The following CACNA1E variants were observed in gnomAD, a reference collection of about 807,000 sequenced individuals.
CACNA1E encodes voltage-dependent R-type calcium channel subunit alpha-1E.
A neutral mutation model predicts 259.2 loss-of-function variants in CACNA1E; 40 were observed. That is an observed-to-expected ratio of 0.15 (90% CI 0.12 to 0.20). CACNA1E has a LOEUF of 0.20. CACNA1E is among the 10% of genes least tolerant of loss of function. The pLI is 1.00. For synonymous variants in CACNA1E, 1,104 were observed against 1,138.5 expected, an observed-to-expected ratio of 0.97 and a Z score of 0.61; for missense variants, 1,874 against 3,040.1, an observed-to-expected ratio of 0.62 and a Z score of 9.02.
chr1:181,501,349 G>C (rs1167278545), intron 1 of CACNA1E, among the ~76,000 whole-genome samples: 1 of 152,224 alleles, frequency 6.6e-6, no homozygotes, highest in Admixed American at 6.5e-5. Flanking sequence ...TCAGGGCCCA[G>C]ATGAGTCTGG....
intron 27 of CACNA1E, among the ~76,000 whole-genome samples, chr1:181,753,364 T>A (rs1294450218): frequency 6.6e-6 from 1 of 152,196 alleles, no homozygotes; most frequent in Non-Finnish European, 1.5e-5. Context: ...GCTTCCCAGG[T>A]GACTCTTAGA....
In CACNA1E at chr1:181,542,870, T is replaced by C. The variant is rs185632826; in HGVS notation, c.512+31360T>C. Among the ~76,000 whole-genome samples the C allele has an allele frequency of 2.3e-4, 34 of 149,874 alleles. No individual in the cohort carries two copies. In the Middle Eastern group the frequency reaches 0.014, roughly 60 times the overall value. Reference sequence around the variant, plus strand: ...CAGTAGTCCTGCAAGATGCTCCATATATAAGGGGTTTGATGTGTTTATTAG... The same window carrying C: ...CAGTAGTCCTGCAAGATGCTCCATACATAAGGGGTTTGATGTGTTTATTAG... On this transcript the variant is annotated intron_variant, in intron 3 of 47. Coordinates refer to ENST00000367573, the MANE Select transcript of CACNA1E (RefSeq NM_001205293.3).
chr1:181,526,669 G>A (rs573255792), intron 3 of CACNA1E, among the ~76,000 whole-genome samples: 1 of 152,124 alleles, frequency 6.6e-6, no homozygotes, highest in East Asian at 1.9e-4. Flanking sequence ...TTATAACACA[G>A]GACAGCCTGG....
chr1:181,657,005 T>G (rs912689593), intron 7 of CACNA1E, among the ~76,000 whole-genome samples: 7 of 152,232 alleles, frequency 4.6e-5, no homozygotes, highest in African/African-American at 1.7e-4. Flanking sequence ...TGCCTAGCAA[T>G]GCATTTCTCA....
At chr1:181,784,341 G>A (rs188888929) in intron 40 of CACNA1E, among the ~76,000 whole-genome samples, 2 of 152,310 alleles carry the variant, frequency 1.3e-5, no homozygotes, top group Admixed American at 6.5e-5. Flanking sequence ...GCAGAGGAAC[G>A]TACTTGCGGC....
At chr1:181,619,515 A>G (rs995942393) in intron 6 of CACNA1E, among the ~76,000 whole-genome samples, 5 of 152,188 alleles carry the variant, frequency 3.3e-5, no homozygotes, top group Non-Finnish European at 5.9e-5. Flanking sequence ...GAGAGCTTCA[A>G]AGAGGTCAGT....
chr1:181,730,943 T>C (rs193028465), intron 18 of CACNA1E, among the ~76,000 whole-genome samples: 1 of 152,360 alleles, frequency 6.6e-6, no homozygotes, highest in Non-Finnish European at 1.5e-5. Context: ...CCTGTGTGCC[T>C]CTGCATGTGT....
At chr1:181,442,010 T>G (rs755500508) in intron 2 of CACNA1E, among the ~76,000 whole-genome samples, 7 of 152,162 alleles carry the variant, frequency 4.6e-5, no homozygotes, top group Non-Finnish European at 8.8e-5. Flanking sequence ...CAGGTTGTGT[T>G]GTCAACACAA....
At chr1:181,785,235 A>T (rs1174505788) in intron 41 of CACNA1E, 83 bp from the exon 42 acceptor site, 3 of 795,758 alleles carry the variant, frequency 3.8e-6, no homozygotes, top group Non-Finnish European at 6.6e-6. Context: ...TGTTCCAGAG[A>T]GTGGGTAACA....
chr1:181,404,282 T>A (rs1487256672), intron 1 of CACNA1E, among the ~76,000 whole-genome samples: 2 of 152,198 alleles, frequency 1.3e-5, no homozygotes, highest in Non-Finnish European at 2.9e-5. Flanking sequence ...GCACTTTCAA[T>A]TGGATTGTAA....
chr1:181,574,301 A>C (rs1366873720), intron 3 of CACNA1E, among the ~76,000 whole-genome samples: 1 of 152,230 alleles, frequency 6.6e-6, no homozygotes, highest in Non-Finnish European at 1.5e-5. Context: ...ATTTTTAAAA[A>C]AGAATATTAG....
At chr1:181,461,337 C>CACCACTGCACTCCAGCCTGGGCGACA (rs1661793014) in intron 2 of CACNA1E, among the ~76,000 whole-genome samples, 2 of 151,206 alleles carry the variant, frequency 1.3e-5, no homozygotes, top group African/African-American at 4.9e-5. Context: ...GTCAGGAGAT[C>CACCACTGCACTCCAGCCTGGGCGACA]GAGACCATCC....
At chr1:181,330,022 G>A (rs1651125979) in intron 1 of CACNA1E, among the ~76,000 whole-genome samples, 1 of 152,192 alleles carries the variant, frequency 6.6e-6, no homozygotes, top group Non-Finnish European at 1.5e-5. Context: ...AGGAGGAACT[G>A]AAGCTGCTCT....
Position 181,396,213 on chromosome 1 carries a change from C to T in CACNA1E, c.-14-16920C>T, listed in dbSNP as rs583622. On this transcript the variant is annotated intron_variant, in intron 1 of 11. Coordinates refer to the CACNA1E transcript ENST00000524607. ...GAGGGAGACAGACTGCAGGAGAGCA[C>T]CCCAGACGGAAGCCACAGTCTTTTG... 5.3e-3 allele frequency among the ~76,000 whole-genome samples: 812 copies of T among 152,316 alleles called. 5 individuals are homozygous for T. The highest frequency in any genetic ancestry group is 0.019 in the African/African-American group (770 of 41,556).
Position 181,393,865 on chromosome 1 carries a change from C to T in CACNA1E, c.-14-19268C>T, listed in dbSNP as rs368265740. ...ACTTGGAAAAAATGTTTGTAACTTT[C>T]AACAAGCAGGTACCAAGAACCTTTT... On this transcript the variant is annotated intron_variant, in intron 1 of 11. Coordinates refer to the CACNA1E transcript ENST00000524607. Among the ~76,000 whole-genome samples, 35 of 152,338 alleles carry T rather than the reference C, an allele frequency of 2.3e-4. No homozygotes were observed. In the South Asian group the frequency reaches 6.8e-3, roughly 30 times the overall value.
chr1:181,510,990 C>T (rs1666118944), intron 2 of CACNA1E, among the ~76,000 whole-genome samples: 1 of 152,198 alleles, frequency 6.6e-6, no homozygotes, highest in Non-Finnish European at 1.5e-5. Context: ...TAACGTATTC[C>T]CCCTAAAAAG....
At chr1:181,436,280 A>G (rs1350663799) in intron 2 of CACNA1E, among the ~76,000 whole-genome samples, 1 of 152,266 alleles carries the variant, frequency 6.6e-6, no homozygotes, top group Non-Finnish European at 1.5e-5. Flanking sequence ...GTAAATTGAT[A>G]CAGCCATTAT....
At chr1:181,789,381 AC>A (rs1486136855) in intron 43 of CACNA1E, among the ~76,000 whole-genome samples, 1 of 152,214 alleles carries the variant, frequency 6.6e-6, no homozygotes, top group African/African-American at 2.4e-5. Context: ...ATCTAAAAAA[AC>A]ATTCCTATGG....
chr1:181,668,285 G>T lies in CACNA1E; in HGVS notation c.1055+16844G>T, dbSNP rs554863187. Among the ~76,000 whole-genome samples the T allele has an allele frequency of 2.0e-5, 3 of 152,260 alleles. No homozygotes were observed. The South Asian group carries it at 6.2e-4, about 32-fold the overall frequency. ...TGACCTTTCTTCACTTAGCATAATT[G>T]CCTTGAAGTCTATCCAGGTTTTCCA... is the stretch of plus-strand genomic sequence containing the variant. On this transcript the variant is annotated intron_variant, in intron 7 of 47. Transcript: ENST00000367573.
Sources: allele counts gnomAD v4.1 joint callset (sites outside exome capture counted in the v4.1 genomes callset), GRCh38; gene constraint gnomAD v4.1.1; transcripts MANE v1.5; gene names NCBI Gene and HGNC (gene_info 2026-07-23, HGNC 2026-07-21).